The following ZNF846 variants were observed in gnomAD, a reference collection of about 807,000 sequenced individuals.
ZNF846 encodes the protein zinc finger protein 846.
In ZNF846, 15 loss-of-function variants were observed where a neutral mutation model predicts 16.0. The ratio of observed to expected loss-of-function variants is 0.94; its 90% confidence interval spans 0.63 to 1.45. The LOEUF (loss-of-function observed/expected upper bound fraction) is 1.45, where lower values mean the gene tolerates loss of function less well. Ranked by LOEUF, ZNF846 falls within the 40% of genes most tolerant of loss-of-function variation. The probability of loss-of-function intolerance (pLI) is 0.00; values close to 1 mark genes in which losing one functional copy is unlikely to be tolerated. For missense variants in ZNF846, 714 were observed against 622.3 expected (o/e 1.15, Z -1.57); for synonymous variants, 229 against 212.0 (o/e 1.08, Z -0.70).
chr19:9,776,203 TC>T (rs2045439647), intron 1 of ZNF846, among the ~76,000 whole-genome samples: 1 of 152,180 alleles, frequency 6.6e-6, no homozygotes, highest in African/African-American at 2.4e-5. Context: ...AGTCTCCTTT[TC>T]CCCGGGGGGG....
chr19:9,783,585 G>C (rs1167111998), intron 1 of ZNF846, among the ~76,000 whole-genome samples: 2 of 134,516 alleles, frequency 1.5e-5, no homozygotes, highest in African/African-American at 5.6e-5. Flanking sequence ...AGTTTATTTT[G>C]TATAAATAAT....
chr19:9,764,473 A>C (rs2045281942), intron 2 of ZNF846, among the ~76,000 whole-genome samples: 1 of 152,194 alleles, frequency 6.6e-6, no homozygotes, highest in East Asian at 1.9e-4. Flanking sequence ...CTACATACAA[A>C]TGTTATGTTA....
Position 9,783,813 on chromosome 19 carries a change from C to T in ZNF846, c.-86+2125G>A, listed in dbSNP as rs533202267. On this transcript the variant is annotated intron_variant, in intron 1 of 4. Transcript: ENST00000586814. ...AGGTGATCCTCCCACCTCAGCCCCC[C>T]AAGTAGTTGGAACTACAGGCACAGT... Among the ~76,000 whole-genome samples, 3 of 151,892 alleles carry T rather than the reference C, an allele frequency of 2.0e-5. No individual in the cohort carries two copies. In the South Asian group the frequency reaches 6.2e-4, roughly 32 times the overall value.
downstream of ZNF846, among the ~76,000 whole-genome samples, chr19:9,754,689 A>C (rs529832456): frequency 6.6e-6 from 1 of 151,226 alleles, no homozygotes; most frequent in African/African-American, 2.5e-5. Context: ...TATAATTACC[A>C]ATAAAAAAGA....
downstream of ZNF846, among the ~76,000 whole-genome samples, chr19:9,749,953 C>G (rs1274482819): frequency 1.3e-5 from 2 of 152,124 alleles, no homozygotes; most frequent in Non-Finnish European, 2.9e-5. Context: ...CACTCCCCCC[C>G]ATATTTGGAC....
chr19:9,775,897 C>T lies in ZNF846; in HGVS notation c.-86+10041G>A, dbSNP rs370396876. ...ATGATTATATATGAATATCATTAAT[C>T]ATTAGTTTGTGGCAATTACTCTTTA... On this transcript the variant is annotated intron_variant, in intron 1 of 4. Transcript: ENST00000586814. Among the ~76,000 whole-genome samples, 9 of 152,298 alleles carry T rather than the reference C, an allele frequency of 5.9e-5. No homozygotes were observed. In the East Asian group the frequency reaches 1.7e-3, roughly 29 times the overall value.
upstream of ZNF846, among the ~76,000 whole-genome samples, chr19:9,770,892 T>A (rs1433034218): frequency 1.3e-5 from 2 of 151,080 alleles, no homozygotes; most frequent in Admixed American, 6.6e-5. Flanking sequence ...AAAAAATAAA[T>A]CCCCAGCTCA....
chr19:9,774,831 T>C lies in ZNF846; in HGVS notation c.-85-9796A>G, dbSNP rs1362734082. 5 of 1,608,016 alleles carry C rather than the reference T, an allele frequency of 3.1e-6. No individual in the cohort carries two copies. In the African/African-American group the frequency reaches 5.4e-5, roughly 17 times the overall value. On this transcript the variant is annotated intron_variant, in intron 1 of 4. Transcript: ENST00000586814. The stretch of plus-strand genomic sequence containing the variant: ...GTAATCCAGTCCCTCATAGCACTGG[T>C]GAATGACCCCCAGCCCGAGCACCCG...
chr19:9,774,632 T>C, intron 1 of ZNF846: 1 of 1,447,282 alleles, frequency 6.9e-7, no homozygotes, highest in Non-Finnish European at 9.7e-7. Flanking sequence ...CAACTCTCCA[T>C]ATGATTAGGT....
chr19:9,783,877 T>C (rs2045530944), intron 1 of ZNF846, among the ~76,000 whole-genome samples: 1 of 152,014 alleles, frequency 6.6e-6, no homozygotes, highest in African/African-American at 2.4e-5. Context: ...TATTTATTTT[T>C]ATTTTTGTAG....
chr19:9,757,827 G>T, exon 6 of ZNF846: 1 of 1,613,144 alleles, frequency 6.2e-7, no homozygotes, highest in Non-Finnish European at 8.5e-7. Context: ...CTTCTCTCCA[G>T]TGTGAATCCT....
exon 6 of ZNF846, chr19:9,757,873 C>T (rs1444396238): frequency 1.7e-5 from 27 of 1,613,356 alleles, no homozygotes; most frequent in East Asian, 4.5e-5. Flanking sequence ...TTATTAAAGG[C>T]TTTCCCACAT....
chr19:9,783,148 C>T (rs890691799), intron 1 of ZNF846, among the ~76,000 whole-genome samples: 2 of 150,180 alleles, frequency 1.3e-5, no homozygotes, highest in African/African-American at 4.9e-5. Context: ...CTCTTGATCA[C>T]TTGAGCCACC....
intron 4 of ZNF846, 103 bp from the exon 5 acceptor site, chr19:9,760,045 AC>A (rs758576840): frequency 2.0e-4 from 161 of 788,754 alleles, no homozygotes; most frequent in Non-Finnish European, 3.2e-4. Context: ...TAATCCTAGC[AC>A]TTTTGGAGGC....
At chr19:9,767,017 G>C (rs968323507) in intron 1 of ZNF846, among the ~76,000 whole-genome samples, 7 of 151,592 alleles carry the variant, frequency 4.6e-5, no homozygotes, top group Admixed American at 3.9e-4. Flanking sequence ...TGTAGAGATG[G>C]GGTCTCACTA....
At chr19:9,776,409 TA>T (rs1326612954) in intron 1 of ZNF846, among the ~76,000 whole-genome samples, 1 of 152,202 alleles carries the variant, frequency 6.6e-6, no homozygotes, top group African/African-American at 2.4e-5. Flanking sequence ...GTGAAAGTAC[TA>T]AAAGTCTCTG....
intron 1 of ZNF846, among the ~76,000 whole-genome samples, chr19:9,767,561 G>A (rs1187926009): frequency 6.6e-6 from 1 of 152,132 alleles, no homozygotes; most frequent in Non-Finnish European, 1.5e-5. Context: ...CATTTTCTTT[G>A]GTTTAGAATA....
Position 9,763,424 on chromosome 19 carries a change from C to T in ZNF846, c.16-16G>A. ...TCACTAAGTGCTAAACCATTAAATA[C>T]ATGCCAGCTTCAGCTAAGTACCATC... On this transcript the variant is annotated splice_polypyrimidine_tract_variant and intron_variant, in intron 2 of 5. Transcript: ENST00000397902. 1.3e-6 allele frequency: 2 copies of T among 1,582,732 alleles called. No individual in the cohort carries two copies. Among genetic ancestry groups the T allele is most frequent in the African/African-American group, 1.4e-5 (1 of 73,652 alleles).
upstream of ZNF846, among the ~76,000 whole-genome samples, chr19:9,772,591 C>T (rs774335293): frequency 2.8e-3 from 395 of 142,858 alleles, no homozygotes; most frequent in Non-Finnish European, 3.8e-3. Context: ...AGCAAGACTC[C>T]GTCTCAGAAA....
Sources: gnomAD v4.1 joint callset for allele counts (sites outside exome capture counted in the v4.1 genomes callset) on GRCh38, gnomAD v4.1.1 for gene constraint, MANE v1.5 for transcripts, NCBI Gene and HGNC (gene_info 2026-07-23, HGNC 2026-07-21) for gene names.